TMEM132D: variants seen among roughly 807,000 people sequenced by gnomAD.
The protein encoded by TMEM132D is transmembrane protein 132D.
In TMEM132D, 21 loss-of-function variants were observed where a neutral mutation model predicts 62.3. That is an observed-to-expected ratio of 0.34 (90% CI 0.24 to 0.49). The LOEUF is 0.49. Among genes scored for constraint, TMEM132D ranks in the 20% least tolerant of loss-of-function variants. The pLI is 0.99. For missense variants in TMEM132D, 1,346 were observed against 1,402.8 expected (o/e 0.96, Z 0.65); for synonymous variants, 621 against 575.6 (o/e 1.08, Z -1.13).
At chr12:129,747,807 TAC>T (rs778211444) in intron 1 of TMEM132D, among the ~76,000 whole-genome samples, 4 of 142,720 alleles carry the variant, frequency 2.8e-5, no homozygotes, top group African/African-American at 1.1e-4. Flanking sequence ...ACACATTTGA[TAC>T]ACACACTTGA....
chr12:129,589,502 A>AGTAT (rs1269136295), intron 2 of TMEM132D, among the ~76,000 whole-genome samples: 16 of 152,246 alleles, frequency 1.1e-4, no homozygotes, highest in African/African-American at 3.6e-4. Context: ...AAACGATTCA[A>AGTAT]GTATACAAAT....
chr12:129,455,936 A>G (rs10773664), intron 3 of TMEM132D, among the ~76,000 whole-genome samples: 64,213 of 151,970 alleles, frequency 0.42, 13,685 homozygotes, highest in Admixed American at 0.45. Flanking sequence ...TGAAGAATAG[A>G]CTCAAGAGGA....
intron 4 of TMEM132D, among the ~76,000 whole-genome samples, chr12:129,301,765 A>G (rs1881720364): frequency 6.6e-6 from 1 of 152,032 alleles, no homozygotes; most frequent in Admixed American, 6.6e-5. Flanking sequence ...TCCACTTACA[A>G]ATGAGGAAAC....
At chr12:129,722,388 C>T (rs961842131) in intron 1 of TMEM132D, among the ~76,000 whole-genome samples, 3 of 152,206 alleles carry the variant, frequency 2.0e-5, no homozygotes, top group Non-Finnish European at 4.4e-5. Flanking sequence ...TGCAAGCCCC[C>T]GTCACATCGG....
At chr12:129,646,463 G>C (rs1355592785) in intron 2 of TMEM132D, among the ~76,000 whole-genome samples, 1 of 152,068 alleles carries the variant, frequency 6.6e-6, no homozygotes, top group Non-Finnish European at 1.5e-5. Context: ...CTCCCACATA[G>C]GCTGTCAAGC....
chr12:129,702,176 C>T (rs1156440127), intron 1 of TMEM132D, among the ~76,000 whole-genome samples: 2 of 152,218 alleles, frequency 1.3e-5, no homozygotes, highest in Non-Finnish European at 2.9e-5. Flanking sequence ...CTCCAATCAT[C>T]GGCATGACCA....
At chr12:129,664,602 T>C (rs1235007066) in intron 2 of TMEM132D, among the ~76,000 whole-genome samples, 6 of 152,036 alleles carry the variant, frequency 3.9e-5, no homozygotes, top group African/African-American at 1.4e-4. Context: ...TTTTTTTGTA[T>C]TTTTAGTAGA....
intron 1 of TMEM132D, among the ~76,000 whole-genome samples, chr12:129,716,014 A>C (rs1365664170): frequency 1.3e-5 from 2 of 152,166 alleles, no homozygotes; most frequent in African/African-American, 4.8e-5. Flanking sequence ...ACCTAAACAA[A>C]AGTCCTCTGA....
At chr12:129,127,210 A>T (rs1025696422) in intron 5 of TMEM132D, among the ~76,000 whole-genome samples, 5 of 152,182 alleles carry the variant, frequency 3.3e-5, no homozygotes, top group Non-Finnish European at 7.4e-5. Flanking sequence ...TGTTTTTTTC[A>T]ATCACTCATA....
intron 2 of TMEM132D, among the ~76,000 whole-genome samples, chr12:129,609,914 G>A (rs904274990): frequency 2.0e-5 from 3 of 152,154 alleles, no homozygotes; most frequent in Admixed American, 6.5e-5. Context: ...AAAGGGGCGT[G>A]GTCTACATAC....
intron 1 of TMEM132D, among the ~76,000 whole-genome samples, chr12:129,808,293 A>T (rs1009078534): frequency 7.2e-5 from 11 of 152,202 alleles, no homozygotes; most frequent in Admixed American, 2.0e-4. Flanking sequence ...GAGAATCTAG[A>T]TGCAGAATAA....
At chr12:129,095,814 A>T (rs921795316) in intron 5 of TMEM132D, among the ~76,000 whole-genome samples, 1 of 152,170 alleles carries the variant, frequency 6.6e-6, no homozygotes, top group African/African-American at 2.4e-5. Context: ...GACTTCCAGC[A>T]TCTGCAACTG....
intron 2 of TMEM132D, among the ~76,000 whole-genome samples, chr12:129,666,949 G>T (rs628439): frequency 6.6e-6 from 1 of 152,038 alleles, no homozygotes; most frequent in Non-Finnish European, 1.5e-5. Context: ...TTAGAGTAAC[G>T]GGACAAAACT....
chr12:129,158,036 G>C (rs1877295378), intron 5 of TMEM132D, among the ~76,000 whole-genome samples: 2 of 152,168 alleles, frequency 1.3e-5, no homozygotes, highest in South Asian at 4.1e-4. Flanking sequence ...TGCTGACAGA[G>C]GGGTAGGTGA....
chr12:129,426,616 C>T (rs1396326794), intron 3 of TMEM132D, among the ~76,000 whole-genome samples: 2 of 152,190 alleles, frequency 1.3e-5, no homozygotes, highest in African/African-American at 4.8e-5. Flanking sequence ...ATGGTTAAGA[C>T]ATTGGAGCAA....
chr12:129,206,376 G>A (rs907783148), intron 5 of TMEM132D, among the ~76,000 whole-genome samples: 4 of 152,166 alleles, frequency 2.6e-5, no homozygotes. Context: ...AATCATTTGA[G>A]AAATGCAAAT....
rs1031647749 is a variant in TMEM132D at position 129,321,785 on chromosome 12, T to G, written c.1299+15849A>C. Among the ~76,000 whole-genome samples the G allele has an allele frequency of 2.6e-5, 4 of 152,278 alleles. No homozygotes were observed. In the South Asian group the frequency reaches 6.2e-4, roughly 24 times the overall value. On this transcript the variant is annotated intron_variant, in intron 4 of 8. Coordinates refer to ENST00000422113, the MANE Select transcript of TMEM132D (RefSeq NM_133448.3). ...CGTGTTAGCCAGGGTGGTCTCGATC[T>G]CCTGACCTCGTGATCCACCCGCCTC... is the stretch of plus-strand genomic sequence containing the variant.
intron 1 of TMEM132D, among the ~76,000 whole-genome samples, chr12:129,807,388 G>A (rs1872027473): frequency 1.3e-5 from 2 of 152,148 alleles, no homozygotes; most frequent in African/African-American, 2.4e-5. Flanking sequence ...AGCCACCAAA[G>A]AGGCCACAAT....
At chr12:129,749,463 CTTT>C (rs67597510) in intron 1 of TMEM132D, among the ~76,000 whole-genome samples, 66,547 of 143,346 alleles carry the variant, frequency 0.46, 15,437 homozygotes, top group Middle Eastern at 0.55. Flanking sequence ...TGAAAAGAAT[CTTT>C]TTTTTTTTTT....
Sources: gnomAD v4.1 joint callset for allele counts (sites outside exome capture counted in the v4.1 genomes callset) on GRCh38, gnomAD v4.1.1 for gene constraint, MANE v1.5 for transcripts, NCBI Gene and HGNC (gene_info 2026-07-23, HGNC 2026-07-21) for gene names.